The following BCAS1 variants were observed in gnomAD, a reference collection of about 807,000 sequenced individuals.
BCAS1 encodes the protein breast carcinoma-amplified sequence 1.
A neutral mutation model predicts 65.4 loss-of-function variants in BCAS1; 46 were observed. That is an observed-to-expected ratio of 0.70 (90% CI 0.55 to 0.90). The LOEUF is 0.90. BCAS1 is among the 40% of genes least tolerant of loss of function. BCAS1 has a pLI of 0.00. For synonymous variants in BCAS1, 298 were observed against 293.5 expected, an observed-to-expected ratio of 1.02 and a Z score of -0.16; for missense variants, 793 against 771.2, an observed-to-expected ratio of 1.03 and a Z score of -0.33.
At chr20:54,046,544 A>AG (rs2092110557) in intron 3 of BCAS1, among the ~76,000 whole-genome samples, 1 of 148,954 alleles carries the variant, frequency 6.7e-6, no homozygotes, top group African/African-American at 2.5e-5. Context: ...AAAAAAAAAA[A>AG]AAAAGAATTC....
chr20:54,067,483 C>T (rs1027243314), intron 1 of BCAS1, among the ~76,000 whole-genome samples: 3 of 152,164 alleles, frequency 2.0e-5, no homozygotes, highest in East Asian at 1.9e-4. Context: ...GGTGAGTAAA[C>T]GTTAGTTATT....
At chr20:53,975,252 G>A (rs1179314059) in intron 9 of BCAS1, 137 bp downstream of exon 9, 4 of 633,908 alleles carry the variant, frequency 6.3e-6, no homozygotes, top group East Asian at 2.9e-5. Flanking sequence ...AATCACATAC[G>A]GGATAAGAGA....
chr20:53,969,735 A>T (rs1474911208), intron 9 of BCAS1, among the ~76,000 whole-genome samples: 2 of 152,116 alleles, frequency 1.3e-5, no homozygotes, highest in Non-Finnish European at 2.9e-5. Flanking sequence ...TTGTTACCTC[A>T]TGGTTAAAAA....
rs921919025 is a variant in BCAS1, at chr20:54,028,641, C to T, written c.474G>A (p.Pro158=). ...QDTDKTPGHA[P]AQDKVLSAAR... ...CGGCAGAGAGGACCTTGTCTTGGGC[C>T]GGGGCGTGCCCTGGGGTTTTATCTG... The change falls in exon 4 of 13, where the codon CCG becomes CCA. Residue 158 remains proline (P), a synonymous_variant. Coordinates refer to ENST00000688948, the MANE Select transcript of BCAS1 (RefSeq NM_001366298.2). The T allele has an allele frequency of 8.7e-6, 14 of 1,614,030 alleles. No homozygotes were observed. The highest frequency in any genetic ancestry group is 4.0e-5 in the African/African-American group (3 of 74,898).
At chr20:53,962,689 C>T (rs1238951154) in intron 10 of BCAS1, among the ~76,000 whole-genome samples, 1 of 152,136 alleles carries the variant, frequency 6.6e-6, no homozygotes, top group Non-Finnish European at 1.5e-5. Flanking sequence ...TAGGGCATGA[C>T]AGATGTCTTA....
intron 4 of BCAS1, among the ~76,000 whole-genome samples, chr20:54,013,218 A>T (rs1484528981): frequency 6.6e-6 from 1 of 152,246 alleles, no homozygotes; most frequent in East Asian, 1.9e-4. Context: ...TAAATAAAAG[A>T]TGTAGGAAAA....
chr20:54,045,650 A>T (rs985841940), intron 3 of BCAS1, among the ~76,000 whole-genome samples: 5 of 152,226 alleles, frequency 3.3e-5, no homozygotes, highest in Admixed American at 1.3e-4. Flanking sequence ...AGCTCAACCA[A>T]TCAGAAACAG....
chr20:54,037,332 C>G (rs1465123635), intron 3 of BCAS1, among the ~76,000 whole-genome samples: 3 of 151,364 alleles, frequency 2.0e-5, no homozygotes, highest in Non-Finnish European at 3.0e-5. Flanking sequence ...TGTGAGAACT[C>G]ACTTACTTTT....
At chr20:54,038,600 T>A (rs1050637155) in intron 3 of BCAS1, among the ~76,000 whole-genome samples, 1 of 151,416 alleles carries the variant, frequency 6.6e-6, no homozygotes, top group African/African-American at 2.4e-5. Context: ...AAGAGACTAA[T>A]GTTGTGCTGG....
At chr20:54,065,352 T>C (rs906416996) in intron 1 of BCAS1, among the ~76,000 whole-genome samples, 1 of 152,250 alleles carries the variant, frequency 6.6e-6, no homozygotes, top group Non-Finnish European at 1.5e-5. Flanking sequence ...ATGCTGTTCT[T>C]TGTTTCTCCC....
At chr20:53,971,598 T>C (rs374850089) in intron 9 of BCAS1, among the ~76,000 whole-genome samples, 3 of 152,326 alleles carry the variant, frequency 2.0e-5, no homozygotes, top group East Asian at 3.9e-4. Context: ...CTGAGTGATG[T>C]GATGTTGGAA....
chr20:53,985,525 A>T (rs762968345), intron 7 of BCAS1, 26 bp from the exon 8 acceptor site: 3 of 1,603,042 alleles, frequency 1.9e-6, no homozygotes, highest in Admixed American at 1.7e-5. Flanking sequence ...AAATGGAGGG[A>T]AAACATTCAA....
At chr20:54,042,259 G>A (rs141940801) in intron 3 of BCAS1, among the ~76,000 whole-genome samples, 2 of 151,428 alleles carry the variant, frequency 1.3e-5, no homozygotes, top group Non-Finnish European at 2.9e-5. Context: ...AGGGTGGGAG[G>A]AGGAAGTCGA....
chr20:54,045,429 A>G (rs138545924), intron 3 of BCAS1, among the ~76,000 whole-genome samples: 6 of 152,344 alleles, frequency 3.9e-5, no homozygotes, highest in South Asian at 2.1e-4. Flanking sequence ...ACAATTAAAA[A>G]AAAACAAACA....
rs1159772238 is a variant in BCAS1 at position 53,954,336 on chromosome 20, G to GAGAGAGAGAGA, written c.1552-642_1552-641insTCTCTCTCTCT. Among the ~76,000 whole-genome samples the GAGAGAGAGAGA allele has an allele frequency of 8.1e-3, 679 of 83,926 alleles. 15 individuals are homozygous for GAGAGAGAGAGA. The highest frequency in any genetic ancestry group is 0.052 in the East Asian group (186 of 3,574). 55.1% of individuals were successfully genotyped at this position (83,926 alleles called of 152,430 possible). A position where few individuals can be genotyped will look rare whatever the true frequency, so the allele number is the denominator to read the frequency against. ...GAGAGAGAGAGAGAGAGAGAGAGAGGGACCAGGCATTGATGGTATCATGCG... is the reference window on the plus strand; with the variant it reads ...GAGAGAGAGAGAGAGAGAGAGAGAGGAGAGAGAGAGAGACCAGGCATTGATGGTATCATGCG... On this transcript the variant is annotated intron_variant, in intron 11 of 12. Transcript: ENST00000688948.
At chr20:54,057,286 A>G (rs1266720752) in intron 3 of BCAS1, among the ~76,000 whole-genome samples, 1 of 152,240 alleles carries the variant, frequency 6.6e-6, no homozygotes, top group African/African-American at 2.4e-5. Context: ...CATTTGGGGA[A>G]AAGGAATATA....
At position 54,043,671 on chromosome 20, in the gene BCAS1, C is replaced by T. The variant is rs142163496; in HGVS notation, c.142+14414G>A. Among the ~76,000 whole-genome samples the T allele has an allele frequency of 7.0e-3, 1,067 of 152,172 alleles. 12 individuals carry two copies. Among genetic ancestry groups the T allele is most frequent in the African/African-American group, 0.024 (1,015 of 41,520 alleles). ...AGACTTGAGCTAGTGCAAGAATACCCGGGAGGGGTTGTGGGAACAGATAGC... is the reference window on the plus strand; with the variant it reads ...AGACTTGAGCTAGTGCAAGAATACCTGGGAGGGGTTGTGGGAACAGATAGC... On this transcript the variant is annotated intron_variant, in intron 3 of 12. Transcript: ENST00000688948.
At chr20:54,038,642 C>G (rs1208290032) in intron 3 of BCAS1, among the ~76,000 whole-genome samples, 1 of 151,288 alleles carries the variant, frequency 6.6e-6, no homozygotes, top group East Asian at 1.9e-4. Flanking sequence ...ATACATTATC[C>G]AAATCCTCCA....
chr20:54,056,415 G>A (rs987874893), intron 3 of BCAS1, among the ~76,000 whole-genome samples: 1 of 152,102 alleles, frequency 6.6e-6, no homozygotes, highest in African/African-American at 2.4e-5. Flanking sequence ...GTGTATACCG[G>A]GGCGTAGGGT....
Sources: allele counts gnomAD v4.1 joint callset (sites outside exome capture counted in the v4.1 genomes callset), GRCh38; gene constraint gnomAD v4.1.1; transcripts MANE v1.5; gene names NCBI Gene and HGNC (gene_info 2026-07-23, HGNC 2026-07-21).